LHPP: variants seen among roughly 807,000 people sequenced by gnomAD.
The protein encoded by LHPP is phospholysine phosphohistidine inorganic pyrophosphate phosphatase.
A neutral mutation model predicts 30.3 loss-of-function variants in LHPP; 24 were observed. The observed-to-expected ratio is 0.79, with a 90% confidence interval of 0.57 to 1.11. LHPP has a LOEUF of 1.11. LHPP is among the 50% of genes most tolerant of loss of function. The pLI is 0.00. For missense variants in LHPP, 356 were observed against 367.2 expected, an observed-to-expected ratio of 0.97 and a Z score of 0.25; for synonymous variants, 150 against 157.1, an observed-to-expected ratio of 0.95 and a Z score of 0.34.
intron 6 of LHPP, among the ~76,000 whole-genome samples, chr10:124,602,075 C>T (rs1324604232): frequency 2.6e-5 from 4 of 152,172 alleles, no homozygotes; most frequent in Non-Finnish European, 1.5e-5. Context: ...TACAGGCCTC[C>T]GGGTCTAGCC....
intron 3 of LHPP, among the ~76,000 whole-genome samples, chr10:124,491,584 G>T (rs1436390814): frequency 6.6e-6 from 1 of 152,180 alleles, no homozygotes; most frequent in African/African-American, 2.4e-5. Context: ...GACCCTGTGC[G>T]TGTTACCTCT....
At chr10:124,483,717 A>T (rs1476535257) in intron 1 of LHPP, among the ~76,000 whole-genome samples, 2 of 152,132 alleles carry the variant, frequency 1.3e-5, no homozygotes, top group Non-Finnish European at 2.9e-5. Context: ...AGATCATGCC[A>T]CTGCACTCCA....
intron 6 of LHPP, among the ~76,000 whole-genome samples, chr10:124,525,600 G>A (rs373774185): frequency 2.4e-4 from 37 of 152,354 alleles, no homozygotes; most frequent in African/African-American, 8.4e-4. Flanking sequence ...GCGAGTGTGT[G>A]AAAGGAGGCT....
chr10:124,541,937 G>A lies in LHPP; in HGVS notation c.716+24666G>A, dbSNP rs924894935. The stretch of plus-strand genomic sequence containing the variant: ...GCTGACATCTGGTCATTCGCAGAGT[G>A]CCCTGTGCCCACATGCTGTCCCTGT... On this transcript the variant is annotated intron_variant, in intron 6 of 6. Coordinates refer to ENST00000368842, the MANE Select transcript of LHPP (RefSeq NM_022126.4). The surrounding 1 kb of genome is among the most constrained non-coding windows in gnomAD (Gnocchi z 4.2). 8.5e-5 allele frequency among the ~76,000 whole-genome samples: 13 copies of A among 152,208 alleles called. No individual in the cohort carries two copies. Among genetic ancestry groups the A allele is most frequent in the Non-Finnish European group, 1.8e-4 (12 of 68,002 alleles).
At chr10:124,492,453 G>A (rs193139946) in intron 3 of LHPP, among the ~76,000 whole-genome samples, 117 of 152,288 alleles carry the variant, frequency 7.7e-4, no homozygotes, top group African/African-American at 2.6e-3. Flanking sequence ...TCAGGAATGC[G>A]CGCAGCAGAG....
chr10:124,594,467 T>C (rs1256375674), intron 6 of LHPP, among the ~76,000 whole-genome samples: 1 of 152,084 alleles, frequency 6.6e-6, no homozygotes, highest in East Asian at 1.9e-4. Context: ...CGTGCACATA[T>C]AAGTCTTCTC....
intron 6 of LHPP, among the ~76,000 whole-genome samples, chr10:124,554,888 G>T (rs1045254260): frequency 6.6e-6 from 1 of 152,248 alleles, no homozygotes; most frequent in Non-Finnish European, 1.5e-5. Context: ...ACAGGAGATT[G>T]TTCATAATTG....
chr10:124,462,095 C>T, intron 1 of LHPP, 108 bp downstream of exon 1: 1 of 1,030,934 alleles, frequency 9.7e-7, no homozygotes, highest in Non-Finnish European at 1.2e-6. Flanking sequence ...CGGCGCAGGC[C>T]CCGCCTCGGT....
In LHPP at chr10:124,541,482, T is replaced by G. The variant is rs6597833; in HGVS notation, c.716+24211T>G. On this transcript the variant is annotated intron_variant, in intron 6 of 6. Coordinates refer to ENST00000368842, the MANE Select transcript of LHPP (RefSeq NM_022126.4). The surrounding 1 kb of genome is among the most constrained non-coding windows in gnomAD (Gnocchi z 4.2). ...TCTGCTAGCCCCAGACCTAACGGAG[T>G]TGCGGCTCATGGCCACCCTGAGGAA... 0.99 allele frequency among the ~76,000 whole-genome samples: 150,450 copies of G among 152,218 alleles called. 74,369 individuals carry two copies. The highest frequency in any genetic ancestry group is 1 in the East Asian group (5,180 of 5,180).
At chr10:124,518,893 G>A (rs892162817) in intron 6 of LHPP, among the ~76,000 whole-genome samples, 11 of 152,330 alleles carry the variant, frequency 7.2e-5, no homozygotes, top group African/African-American at 2.6e-4. Flanking sequence ...TACGAGGTGG[G>A]CATCCCCCAT....
chr10:124,569,984 T>G (rs1335819837), intron 6 of LHPP, among the ~76,000 whole-genome samples: 1 of 152,062 alleles, frequency 6.6e-6, no homozygotes, highest in Admixed American at 6.5e-5. Context: ...AGGTCACCCC[T>G]GCCCTGACTT....
At chr10:124,564,827 A>C (rs1045925197) in intron 6 of LHPP, among the ~76,000 whole-genome samples, 1 of 152,220 alleles carries the variant, frequency 6.6e-6, no homozygotes, top group Non-Finnish European at 1.5e-5. Context: ...GAAAAGTTAT[A>C]CCATATATTT....
rs1948871323 is a variant in LHPP, at chr10:124,590,604, T to C, written c.717-22660T>C. Among the ~76,000 whole-genome samples the C allele has an allele frequency of 6.6e-6, 1 of 152,170 alleles. No individual in the cohort carries two copies. Among genetic ancestry groups the C allele is most frequent in the Non-Finnish European group, 1.5e-5 (1 of 68,032 alleles). ...GGAGCTCCAGGTGAAGGGGACTGTG[T>C]TGGTCCTGTCTGCCCAGGACTCTCC... On this transcript the variant is annotated intron_variant, in intron 6 of 6. Transcript: ENST00000368842. This position sits in a 1 kb window ranked among gnomAD's most constrained non-coding sequence, Gnocchi z 4.3.
chr10:124,601,992 C>A (rs528919459), intron 6 of LHPP, among the ~76,000 whole-genome samples: 207 of 152,356 alleles, frequency 1.4e-3, no homozygotes, highest in African/African-American at 4.9e-3. Context: ...TGCTGTGCCC[C>A]GTCCTCCGCT....
rs554330723 is a variant in LHPP, at chr10:124,489,486, G to A, written c.467+911G>A. Among the ~76,000 whole-genome samples the A allele has an allele frequency of 1.0e-3, 156 of 152,162 alleles. 1 individual carries two copies. The highest frequency in any genetic ancestry group is 3.3e-3 in the African/African-American group (137 of 41,516). ...TATATATTTTTTAAGACTGAGTCTC[G>A]CTCTGTCACCCAGGCTGGAGTGCAG... On this transcript the variant is annotated intron_variant, in intron 3 of 6. Transcript: ENST00000368842.
intron 6 of LHPP, chr10:124,546,254 T>C (rs1732356764): frequency 6.6e-6 from 1 of 152,568 alleles, no homozygotes; most frequent in African/African-American, 2.4e-5. Flanking sequence ...CTGTACACAT[T>C]GTGCTCTTTG....
chr10:124,527,945 A>G (rs1284848349), intron 6 of LHPP, among the ~76,000 whole-genome samples: 1 of 151,716 alleles, frequency 6.6e-6, no homozygotes, highest in African/African-American at 2.4e-5. Flanking sequence ...ACGCCCAACT[A>G]ATTTTTAAAT....
In LHPP at chr10:124,510,410, C is replaced by T. The variant is rs991622342; in HGVS notation, c.625-6770C>T. Among the ~76,000 whole-genome samples, 13 of 152,204 alleles carry T rather than the reference C, an allele frequency of 8.5e-5. No homozygotes were observed. Among genetic ancestry groups the T allele is most frequent in the African/African-American group, 1.9e-4 (8 of 41,446 alleles). ...GTGCACCCAGCCGGCCCTGGCGTCC[C>T]GGCCCCCAGCCTCCGCCTCCCTCGC... On this transcript the variant is annotated intron_variant, in intron 5 of 6. Coordinates refer to ENST00000368842, the MANE Select transcript of LHPP (RefSeq NM_022126.4). The surrounding 1 kb of genome is among the most constrained non-coding windows in gnomAD (Gnocchi z 4.0).
chr10:124,544,908 T>C (rs531369084), intron 6 of LHPP, among the ~76,000 whole-genome samples: 1 of 152,166 alleles, frequency 6.6e-6, no homozygotes, highest in Non-Finnish European at 1.5e-5. Flanking sequence ...CGAGTGCATA[T>C]GTGCGCAGGG....
Sources: allele counts gnomAD v4.1 joint callset (sites outside exome capture counted in the v4.1 genomes callset), GRCh38; gene constraint gnomAD v4.1.1; non-coding constraint Gnocchi (gnomAD v3.1); transcripts MANE v1.5; gene names NCBI Gene and HGNC (gene_info 2026-07-23, HGNC 2026-07-21).